The following COL13A1 variants were observed in gnomAD, a reference collection of about 807,000 sequenced individuals.
COL13A1 encodes the protein collagen alpha-1(XIII) chain.
A neutral mutation model predicts 130.9 loss-of-function variants in COL13A1; 89 were observed. The observed-to-expected ratio is 0.68, with a 90% CI of 0.57 to 0.81. The LOEUF (loss-of-function observed/expected upper bound fraction) is 0.81, where lower values mean the gene tolerates loss of function less well. Ranked by LOEUF, COL13A1 falls within the 30% of genes least tolerant of loss-of-function variation. The pLI, the probability that COL13A1 is intolerant of heterozygous loss-of-function variation, is 0.00. For synonymous variants in COL13A1, 402 were observed against 341.6 expected (o/e 1.18, Z -1.95); for missense variants, 879 against 934.6 (o/e 0.94, Z 0.78).
intron 2 of COL13A1, among the ~76,000 whole-genome samples, chr10:69,825,033 A>G (rs1847139773): frequency 2.0e-5 from 3 of 152,200 alleles, no homozygotes; most frequent in Admixed American, 6.5e-5. Context: ...GAGGCTTCTC[A>G]TGCCTTGGTA....
intron 10 of COL13A1, among the ~76,000 whole-genome samples, chr10:69,890,814 G>A (rs559343017): frequency 9.8e-5 from 15 of 152,328 alleles, no homozygotes; most frequent in East Asian, 1.9e-4. Flanking sequence ...AATCCTCAGC[G>A]TAACTCTGTG....
At chr10:69,854,581 C>T (rs2683562) in intron 2 of COL13A1, among the ~76,000 whole-genome samples, 125,272 of 150,700 alleles carry the variant, frequency 0.83, 52,432 homozygotes, top group East Asian at 0.95. Flanking sequence ...AAAAGTGGTT[C>T]CTGTCATTTC....
chr10:69,913,047 C>A (rs537498044), intron 17 of COL13A1, among the ~76,000 whole-genome samples: 48 of 152,332 alleles, frequency 3.2e-4, no homozygotes, highest in Middle Eastern at 3.4e-3. Context: ...GACAGGCCTT[C>A]AAGGTCATTC....
At chr10:69,952,794 T>G in intron 38 of COL13A1, 88 bp from the exon 39 acceptor site, 6 of 957,070 alleles carry the variant, frequency 6.3e-6, no homozygotes, top group Non-Finnish European at 9.3e-6. Flanking sequence ...CTTTTTAATT[T>G]TATTTTTCTT....
chr10:69,867,718 G>A lies in COL13A1; in HGVS notation c.365-80G>A, dbSNP rs866308491. 9.8e-6 allele frequency: 7 copies of A among 714,302 alleles called. No individual in the cohort carries two copies. In the Middle Eastern group the frequency reaches 1.6e-3, roughly 164 times the overall value. 44.2% of individuals were successfully genotyped at this position (714,302 alleles called of 1,614,324 possible). A position where few individuals can be genotyped will look rare whatever the true frequency, so the allele number is the denominator to read the frequency against. Reference sequence around the variant, plus strand: ...GAAACCCCTCCGCTGATGAATCCTTGGACACTGCTTCCAAGGCGGCCTCCC... The same window carrying A: ...GAAACCCCTCCGCTGATGAATCCTTAGACACTGCTTCCAAGGCGGCCTCCC... On this transcript the variant is annotated intron_variant, in intron 2 of 40. Coordinates refer to ENST00000645393, the MANE Select transcript of COL13A1 (RefSeq NM_001368882.1).
At chr10:69,924,623 G>A (rs550640056) in intron 24 of COL13A1, among the ~76,000 whole-genome samples, 99 of 152,188 alleles carry the variant, frequency 6.5e-4, no homozygotes, top group Admixed American at 2.0e-3. Context: ...ACCTGAGCAG[G>A]ATGGAATTAA....
intron 27 of COL13A1, among the ~76,000 whole-genome samples, chr10:69,927,579 G>GT (rs1224778144): frequency 6.6e-6 from 1 of 152,152 alleles, no homozygotes; most frequent in Non-Finnish European, 1.5e-5. Context: ...TCAAGTCTGG[G>GT]TTTTGTACAG....
chr10:69,838,681 G>A (rs1439131522), intron 2 of COL13A1, among the ~76,000 whole-genome samples: 1 of 152,260 alleles, frequency 6.6e-6, no homozygotes, highest in Non-Finnish European at 1.5e-5. Flanking sequence ...CCTCTAAGCT[G>A]CTTTTTGACT....
chr10:69,861,517 T>A (rs1373899100), intron 2 of COL13A1, among the ~76,000 whole-genome samples: 1 of 152,154 alleles, frequency 6.6e-6, no homozygotes. Context: ...TGGTATGAGA[T>A]GTGTCTGGGG....
intron 9 of COL13A1, 87 bp from the exon 10 acceptor site, chr10:69,889,309 GGGGGCAGGGAGGAGCACA>G: frequency 1.2e-6 from 1 of 833,904 alleles, no homozygotes; most frequent in South Asian, 2.4e-5. Context: ...GAGGAGCACG[GGGGGCAGGGAGGAGCACA>G]GGGGGCAGGG....
chr10:69,947,752 T>C (rs2068770928), intron 38 of COL13A1, among the ~76,000 whole-genome samples: 1 of 152,216 alleles, frequency 6.6e-6, no homozygotes, highest in Non-Finnish European at 1.5e-5. Flanking sequence ...AGAAAATAAA[T>C]TCCAGCTCCA....
At chr10:69,908,508 C>T (rs550367455) in intron 17 of COL13A1, among the ~76,000 whole-genome samples, 31 of 152,318 alleles carry the variant, frequency 2.0e-4, no homozygotes, top group African/African-American at 5.3e-4. Context: ...CCAGGCATCA[C>T]GGCGATGCCC....
At chr10:69,864,523 TA>T (rs903431384) in intron 2 of COL13A1, among the ~76,000 whole-genome samples, 57 of 152,238 alleles carry the variant, frequency 3.7e-4, no homozygotes, top group Non-Finnish European at 3.5e-4. Context: ...AATAAATGCT[TA>T]AAAAAATGAA....
intron 2 of COL13A1, among the ~76,000 whole-genome samples, chr10:69,844,366 C>A (rs998406019): frequency 6.6e-6 from 1 of 152,198 alleles, no homozygotes. Context: ...AGTTATCTGA[C>A]CTGCCTATGC....
rs1397539950 is a variant in COL13A1, at chr10:69,957,109, C to T, written c.2184+67C>T. On this transcript the variant is annotated intron_variant, in intron 40 of 40. Transcript: ENST00000645393. ...CAGTGCCATAAAGCTTCCACAATTT[C>T]CATTCTGCCTTGCTACAGATGAGGC... 2.9e-6 allele frequency: 4 copies of T among 1,375,202 alleles called. No homozygotes were observed. The Admixed American group carries it at 6.7e-5, about 23-fold the overall frequency. The allele number at this position is 1,375,202 out of a possible 1,614,324, so 85.2% of individuals were successfully genotyped here.
chr10:69,951,918 C>T (rs1489148990), intron 38 of COL13A1, among the ~76,000 whole-genome samples: 1 of 152,164 alleles, frequency 6.6e-6, no homozygotes, highest in Non-Finnish European at 1.5e-5. Flanking sequence ...GCATACTGAG[C>T]CCCCTTTTTA....
intron 2 of COL13A1, among the ~76,000 whole-genome samples, chr10:69,833,952 G>A (rs923632493): frequency 6.6e-5 from 10 of 152,140 alleles, no homozygotes; most frequent in Non-Finnish European, 1.2e-4. Flanking sequence ...ACCACGGAAG[G>A]TTTCTCAGAG....
chr10:69,889,735 C>T (rs1308788099), intron 10 of COL13A1, among the ~76,000 whole-genome samples: 3 of 152,214 alleles, frequency 2.0e-5, no homozygotes, highest in African/African-American at 7.2e-5. Flanking sequence ...AAACCACACT[C>T]GCATGGGCCT....
chr10:69,918,255 T>A, intron 18 of COL13A1, 30 bp from the exon 19 acceptor site: 1 of 1,610,096 alleles, frequency 6.2e-7, no homozygotes, highest in Non-Finnish European at 8.5e-7. Context: ...GCAGAATGTC[T>A]TCAGACCTTT....
Sources: allele counts gnomAD v4.1 joint callset (sites outside exome capture counted in the v4.1 genomes callset), GRCh38; gene constraint gnomAD v4.1.1; transcripts MANE v1.5; gene names NCBI Gene and HGNC (gene_info 2026-07-23, HGNC 2026-07-21).